Variants in NBPF12 observed in about 807,000 individuals in gnomAD.
The protein encoded by NBPF12 is NBPF family member NBPF12.
In NBPF12, 115 loss-of-function variants were observed where a neutral mutation model predicts 146.4. The ratio of observed to expected loss-of-function variants is 0.79; its 90% CI spans 0.68 to 0.92. The LOEUF is 0.92. NBPF12 is among the 40% of genes least tolerant of loss of function. The probability of loss-of-function intolerance (pLI) is 0.00; values close to 1 mark genes in which losing one functional copy is unlikely to be tolerated. For synonymous variants in NBPF12, 385 were observed against 508.9 expected (o/e 0.76, Z 3.28); for missense variants, 1,205 against 1,326.8 (o/e 0.91, Z 1.43).
chr1:146,946,023 C>T (rs1371711809), upstream of NBPF12, among the ~76,000 whole-genome samples: 909 of 151,890 alleles, frequency 6.0e-3, 18 homozygotes, highest in African/African-American at 0.021. Context: ...CCAAGAATGT[C>T]CTAGAGTTGG....
chr1:146,962,329 G>A (rs1655901807), intron 5 of NBPF12, 66 bp downstream of exon 8: 1 of 1,331,092 alleles, frequency 7.5e-7, no homozygotes, highest in Non-Finnish European at 1.1e-6. Context: ...CAGCAGCTCG[G>A]CGGGGAGAAG....
At chr1:146,984,609 G>C (rs1376952461) in intron 21 of NBPF12, among the ~76,000 whole-genome samples, 3 of 137,730 alleles carry the variant, frequency 2.2e-5, no homozygotes, top group African/African-American at 9.9e-5. Context: ...GTGTGTGTGT[G>C]TGTGTGTGTG....
intron 10 of NBPF12, 86 bp from the exon 14 acceptor site, chr1:146,969,296 C>T: frequency 1.4e-6 from 1 of 696,004 alleles, no homozygotes; most frequent in Non-Finnish European, 2.5e-6. Flanking sequence ...TCCTTGAGGA[C>T]ATTGTCTCAG....
chr1:146,946,512 C>CTTTTTTTTTTTTTTTTTTTTT (rs3071268), upstream of NBPF12, among the ~76,000 whole-genome samples: 4 of 41,044 alleles, frequency 9.7e-5, no homozygotes, highest in South Asian at 2.0e-3. Context: ...GATCTTTCAC[C>CTTTTTTTTTTTTTTTTTTTTT]TTTTTTTTTT....
At chr1:146,980,236 A>G (rs1657284756) in intron 19 of NBPF12, among the ~76,000 whole-genome samples, 1 of 152,022 alleles carries the variant, frequency 6.6e-6, no homozygotes, top group Non-Finnish European at 1.5e-5. Context: ...TTTTCTGAGT[A>G]CAGCGCACCG....
intron 2 of NBPF12, among the ~76,000 whole-genome samples, chr1:146,957,981 GTGTGTGTATATATATATATACA>G (rs1655677121): frequency 2.5e-5 from 2 of 80,520 alleles, no homozygotes; most frequent in South Asian, 5.9e-4. Flanking sequence ...ATGTATATAT[GTGTGTGTATATATATATATACA>G]TGTGTATATA....
chr1:146,955,115 A>C (rs1655526983), intron 2 of NBPF12, among the ~76,000 whole-genome samples: 1 of 100,062 alleles, frequency 1.0e-5, no homozygotes, highest in Admixed American at 1.2e-4. Flanking sequence ...AAGAAGATAC[A>C]TGAATGGTCA....
chr1:146,984,564 G>C (rs1553888356), intron 21 of NBPF12, among the ~76,000 whole-genome samples: 1,509 of 138,624 alleles, frequency 0.011, no homozygotes, highest in Middle Eastern at 0.024. Context: ...CCGGCCAATT[G>C]ACTGAGCTCA....
At chr1:146,946,098 G>A (rs1298018489), upstream of NBPF12, among the ~76,000 whole-genome samples, 5 of 152,006 alleles carry the variant, frequency 3.3e-5, no homozygotes, top group South Asian at 2.1e-4. Flanking sequence ...GTTCCTCCAC[G>A]CCTTTTCATG....
intron 18 of NBPF12, among the ~76,000 whole-genome samples, chr1:146,978,179 T>G (rs1247465859): frequency 6.6e-6 from 1 of 151,326 alleles, no homozygotes. Context: ...TGCTGATATA[T>G]TTCCATAAAG....
At position 146,955,019 on chromosome 1, in the gene NBPF12, C is replaced by T. The variant is rs1655521367; in HGVS notation, c.-184+3530C>T. On this transcript the variant is annotated intron_variant, in intron 2 of 33. Coordinates refer to ENST00000617844, the Ensembl canonical transcript of NBPF12. ...ATATATATATATATATATATACACACACACACACATATATATATTGCAGTC... is the reference window on the plus strand; with the variant it reads ...ATATATATATATATATATATACACATACACACACATATATATATTGCAGTC... Among the ~76,000 whole-genome samples the T allele has an allele frequency of 4.8e-5, 5 of 103,620 alleles. No homozygotes were observed. The Admixed American group carries it at 5.9e-4, about 12-fold the overall frequency. The allele number at this position is 103,620 out of a possible 152,430, so 68.0% of individuals were successfully genotyped here.
chr1:146,951,362 G>T, exon 2 of NBPF12: 1 of 631,922 alleles, frequency 1.6e-6, no homozygotes. Context: ...TGAAGATAAG[G>T]ATGGTCAAAC....
At chr1:146,944,881 ACCCT>A (rs1654952828), upstream of NBPF12, among the ~76,000 whole-genome samples, 1 of 36,936 alleles carries the variant, frequency 2.7e-5, no homozygotes, top group Non-Finnish European at 5.7e-5. Context: ...CTTCCCTTCC[ACCCT>A]CCCTCCCTTC....
chr1:146,966,499 A>G, exon 9 of NBPF12: 1 of 1,458,240 alleles, frequency 6.9e-7, no homozygotes, highest in South Asian at 1.1e-5. Flanking sequence ...AAACGTCAGC[A>G]TGGTGGTATC....
chr1:146,954,830 C>T (rs1655494217), intron 2 of NBPF12, among the ~76,000 whole-genome samples: 1 of 147,748 alleles, frequency 6.8e-6, no homozygotes, highest in Admixed American at 6.8e-5. Context: ...GAAATAGATA[C>T]TCACATGTAT....
intron 8 of NBPF12, 132 bp downstream of exon 11, chr1:146,965,236 A>G: frequency 1.4e-6 from 1 of 714,212 alleles, no homozygotes; most frequent in South Asian, 1.6e-5. Context: ...GCTGTGACTC[A>G]CACATATAAT....
intron 5 of NBPF12, 149 bp downstream of exon 8, chr1:146,962,412 A>T (rs1655910360): frequency 1.5e-6 from 1 of 669,832 alleles, no homozygotes; most frequent in South Asian, 1.7e-5. Context: ...TATTTATCAG[A>T]GAACAAGGAT....
At chr1:146,940,948 C>T (rs1654773375) in intron 1 of NBPF12, among the ~76,000 whole-genome samples, 2 of 151,904 alleles carry the variant, frequency 1.3e-5, no homozygotes, top group East Asian at 3.8e-4. Context: ...CATTGATATG[C>T]TTTTCTGTTG....
chr1:146,984,856 C>G (rs1657652234), exon 22 of NBPF12: 1 of 1,559,616 alleles, frequency 6.4e-7, no homozygotes, highest in Non-Finnish European at 8.8e-7. Context: ...TGAAGTCTTG[C>G]AGGACTCACT....
Sources: gnomAD v4.1 joint callset for allele counts (sites outside exome capture counted in the v4.1 genomes callset) on GRCh38, gnomAD v4.1.1 for gene constraint, MANE v1.5 for transcripts, NCBI Gene and HGNC (gene_info 2026-07-23, HGNC 2026-07-21) for gene names.